The following MYO1D variants were observed in gnomAD, a reference collection of about 807,000 sequenced individuals.
MYO1D encodes unconventional myosin-Id.
A neutral mutation model predicts 122.0 loss-of-function variants in MYO1D; 83 were observed. That is an observed-to-expected ratio of 0.68 (90% CI 0.57 to 0.82). The LOEUF is 0.82. MYO1D is among the 40% of genes least tolerant of loss of function. The probability of loss-of-function intolerance (pLI) is 0.00; values close to 1 mark genes in which losing one functional copy is unlikely to be tolerated. For missense variants in MYO1D, 1,157 were observed against 1,269.5 expected (o/e 0.91, Z 1.35); for synonymous variants, 464 against 446.9 (o/e 1.04, Z -0.48).
At chr17:32,863,456 C>T (rs768561648) in intron 1 of MYO1D, among the ~76,000 whole-genome samples, 1 of 152,196 alleles carries the variant, frequency 6.6e-6, no homozygotes, top group Non-Finnish European at 1.5e-5. Flanking sequence ...CTAATGAGCT[C>T]GGCTGACAGC....
At chr17:32,675,795 T>C (rs1041620714) in intron 16 of MYO1D, among the ~76,000 whole-genome samples, 4 of 152,164 alleles carry the variant, frequency 2.6e-5, no homozygotes, top group African/African-American at 9.7e-5. Flanking sequence ...GTTTATGGTA[T>C]ACTGCCATAC....
chr17:32,664,634 G>A (rs1567937460), intron 16 of MYO1D, among the ~76,000 whole-genome samples: 1 of 152,172 alleles, frequency 6.6e-6, no homozygotes, highest in Non-Finnish European at 1.5e-5. Flanking sequence ...GAAGTCAGCA[G>A]AGGATATCGG....
intron 1 of MYO1D, among the ~76,000 whole-genome samples, chr17:32,875,231 T>A (rs887336374): frequency 3.3e-5 from 5 of 152,198 alleles, no homozygotes; most frequent in African/African-American, 9.7e-5. Context: ...GCACACAACT[T>A]ATTTCCTGTG....
chr17:32,640,635 T>C (rs2150940660), intron 19 of MYO1D, among the ~76,000 whole-genome samples: 1 of 151,310 alleles, frequency 6.6e-6, no homozygotes, highest in African/African-American at 2.4e-5. Flanking sequence ...TTCATCCATG[T>C]CCCTACAAAG....
rs1358403521 is a variant in MYO1D at position 32,610,565 on chromosome 17, T to C, written c.2710-5324A>G. Among the ~76,000 whole-genome samples, 6 of 152,168 alleles carry C rather than the reference T, an allele frequency of 3.9e-5. No individual in the cohort carries two copies. In the South Asian group the frequency reaches 6.2e-4, roughly 16 times the overall value. Reference sequence around the variant, plus strand: ...GATCTTGAGTGACTCATTTAATTTATTGGGGCATCTGTCTCCTTTTCTGCA... The same window carrying C: ...GATCTTGAGTGACTCATTTAATTTACTGGGGCATCTGTCTCCTTTTCTGCA... On this transcript the variant is annotated intron_variant, in intron 20 of 21. Coordinates refer to ENST00000318217, the MANE Select transcript of MYO1D (RefSeq NM_015194.3).
At chr17:32,735,247 T>G (rs2089687825) in intron 14 of MYO1D, among the ~76,000 whole-genome samples, 1 of 152,180 alleles carries the variant, frequency 6.6e-6, no homozygotes, top group East Asian at 1.9e-4. Flanking sequence ...TGGAATGCAT[T>G]GGCACCATCT....
intron 3 of MYO1D, 94 bp downstream of exon 3, chr17:32,778,386 C>T (rs1430703423): frequency 1.1e-5 from 13 of 1,211,540 alleles, no homozygotes; most frequent in Non-Finnish European, 8.5e-6. Context: ...GGTTTAGACC[C>T]CCAAAATGCT....
chr17:32,770,191 C>T (rs2090099183), intron 6 of MYO1D, among the ~76,000 whole-genome samples: 1 of 152,110 alleles, frequency 6.6e-6, no homozygotes, highest in African/African-American at 2.4e-5. Context: ...CTATGCACAG[C>T]AATAAAAATA....
chr17:32,852,942 A>G (rs892625773), intron 1 of MYO1D, among the ~76,000 whole-genome samples: 3 of 152,144 alleles, frequency 2.0e-5, no homozygotes, highest in African/African-American at 7.2e-5. Context: ...TGTAACACCT[A>G]TGTCCTGACT....
intron 1 of MYO1D, among the ~76,000 whole-genome samples, chr17:32,843,302 C>A (rs1455986086): frequency 6.6e-6 from 1 of 152,092 alleles, no homozygotes; most frequent in Non-Finnish European, 1.5e-5. Flanking sequence ...AGTACACAGC[C>A]AGCCAAACAT....
At chr17:32,805,292 A>T (rs1323398742) in intron 1 of MYO1D, among the ~76,000 whole-genome samples, 2 of 152,250 alleles carry the variant, frequency 1.3e-5, no homozygotes, top group African/African-American at 4.8e-5. Context: ...TTGGTATAGC[A>T]GCCCAAACAA....
intron 16 of MYO1D, among the ~76,000 whole-genome samples, chr17:32,668,960 C>T (rs1436475672): frequency 1.3e-5 from 2 of 152,044 alleles, no homozygotes; most frequent in Non-Finnish European, 2.9e-5. Flanking sequence ...CTTTGGCCTC[C>T]CAAAGTGCTG....
At chr17:32,582,493 TC>T (rs1352823200) in intron 21 of MYO1D, among the ~76,000 whole-genome samples, 1 of 152,194 alleles carries the variant, frequency 6.6e-6, no homozygotes, top group Non-Finnish European at 1.5e-5. Context: ...GCTGTTGATT[TC>T]TAATTATGTT....
chr17:32,662,465 G>A (rs148569566), intron 16 of MYO1D, among the ~76,000 whole-genome samples: 2,322 of 152,288 alleles, frequency 0.015, 48 homozygotes, highest in African/African-American at 0.05. Context: ...AAGGTCAGGA[G>A]TTCCAGACCA....
chr17:32,746,617 T>C (rs1327012328), intron 12 of MYO1D, among the ~76,000 whole-genome samples: 1 of 152,216 alleles, frequency 6.6e-6, no homozygotes, highest in Non-Finnish European at 1.5e-5. Flanking sequence ...CAACCATACA[T>C]ATATGTATAT....
chr17:32,803,771 G>A (rs2090481323), intron 1 of MYO1D, among the ~76,000 whole-genome samples: 1 of 152,186 alleles, frequency 6.6e-6, no homozygotes, highest in African/African-American at 2.4e-5. Context: ...CACTCTTGCT[G>A]GCAAGGATTG....
Position 32,494,720 on chromosome 17 carries a change from G to A in MYO1D, c.*39C>T, listed in dbSNP as rs767423961. 1.7e-5 allele frequency: 27 copies of A among 1,546,964 alleles called. No homozygotes were observed. Among genetic ancestry groups the A allele is most frequent in the Non-Finnish European group, 2.0e-5 (23 of 1,148,506 alleles). ...GCAGCTGGACTGGGACCCAGGACTC[G>A]GAGTGTGGCCGGGCTCCGGGCCAGG... On this transcript the variant is annotated 3_prime_UTR_variant, in exon 22 of 22. Coordinates refer to ENST00000318217, the MANE Select transcript of MYO1D (RefSeq NM_015194.3).
At chr17:32,852,600 C>T (rs2090998808) in intron 1 of MYO1D, among the ~76,000 whole-genome samples, 1 of 152,050 alleles carries the variant, frequency 6.6e-6, no homozygotes, top group Admixed American at 6.5e-5. Context: ...AAATAGGGTG[C>T]AAAATTGTCT....
intron 1 of MYO1D, among the ~76,000 whole-genome samples, chr17:32,791,435 A>G (rs2090350024): frequency 6.6e-6 from 1 of 151,774 alleles, no homozygotes; most frequent in Non-Finnish European, 1.5e-5. Flanking sequence ...GCTATGAATT[A>G]GAAACCAGAA....
Sources: gnomAD v4.1 joint callset for allele counts (sites outside exome capture counted in the v4.1 genomes callset) on GRCh38, gnomAD v4.1.1 for gene constraint, MANE v1.5 for transcripts, NCBI Gene and HGNC (gene_info 2026-07-23, HGNC 2026-07-21) for gene names.